The following WWOX variants were observed in gnomAD, a reference collection of about 807,000 sequenced individuals.
WWOX encodes WW domain-containing oxidoreductase.
A neutral mutation model predicts 46.2 loss-of-function variants in WWOX; 69 were observed. That is an observed-to-expected ratio of 1.49 (90% CI 1.23 to 1.82). WWOX has a LOEUF of 1.82. Ranked by LOEUF, WWOX falls within the 40% of genes most tolerant of loss-of-function variation. The pLI, the probability that WWOX is intolerant of heterozygous loss-of-function variation, is 0.00. For synonymous variants in WWOX, 359 were observed against 202.6 expected, an observed-to-expected ratio of 1.77 and a Z score of -6.56; for missense variants, 919 against 542.6, an observed-to-expected ratio of 1.69 and a Z score of -6.89.
chr16:78,533,491 GT>G (rs2043679722), intron 8 of WWOX, among the ~76,000 whole-genome samples: 1 of 151,910 alleles, frequency 6.6e-6, no homozygotes, highest in East Asian at 1.9e-4. Flanking sequence ...ATTCAAAGTT[GT>G]CCTGGGCCGC....
intron 8 of WWOX, among the ~76,000 whole-genome samples, chr16:79,022,858 C>T (rs985552606): frequency 1.8e-4 from 28 of 152,192 alleles, no homozygotes; most frequent in African/African-American, 5.1e-4. Flanking sequence ...CTGTGCTTTG[C>T]ACTTTCTGGC....
chr16:79,022,344 CAAAAA>C (rs10654627), intron 8 of WWOX, among the ~76,000 whole-genome samples: 42 of 71,214 alleles, frequency 5.9e-4, no homozygotes, highest in Middle Eastern at 0.01. Context: ...CAATCTGTGG[CAAAAA>C]AAAAAAAAAA....
At chr16:79,154,675 C>T (rs1204979242) in intron 8 of WWOX, among the ~76,000 whole-genome samples, 1 of 152,162 alleles carries the variant, frequency 6.6e-6, no homozygotes, top group African/African-American at 2.4e-5. Context: ...CACTGTAAAA[C>T]AACCACGTTT....
intron 8 of WWOX, among the ~76,000 whole-genome samples, chr16:78,435,682 G>T (rs2083319999): frequency 6.6e-6 from 1 of 152,138 alleles, no homozygotes; most frequent in African/African-American, 2.4e-5. Context: ...CCTGGTGGTG[G>T]CAAGACAAGA....
chr16:78,752,587 A>C (rs1336763692), intron 8 of WWOX, among the ~76,000 whole-genome samples: 2 of 152,196 alleles, frequency 1.3e-5, no homozygotes, highest in African/African-American at 4.8e-5. Flanking sequence ...ATTCTTTCTA[A>C]TATGATTTAG....
chr16:79,161,975 C>G (rs539451394), intron 8 of WWOX, among the ~76,000 whole-genome samples: 2 of 152,390 alleles, frequency 1.3e-5, no homozygotes, highest in African/African-American at 4.8e-5. Context: ...CACAGAGTGT[C>G]TCAGTAAATT....
chr16:78,978,598 G>T (rs951608738), intron 8 of WWOX, among the ~76,000 whole-genome samples: 1 of 152,158 alleles, frequency 6.6e-6, no homozygotes, highest in Admixed American at 6.5e-5. Context: ...TGCACAGGAA[G>T]CATAGAAGCT....
chr16:79,112,243 C>T (rs534578011), intron 8 of WWOX, among the ~76,000 whole-genome samples: 1 of 152,132 alleles, frequency 6.6e-6, no homozygotes, highest in Non-Finnish European at 1.5e-5. Context: ...ACTGACCCAA[C>T]AAAAGGGCTG....
At chr16:78,618,142 C>G (rs556185211) in intron 8 of WWOX, among the ~76,000 whole-genome samples, 2 of 152,326 alleles carry the variant, frequency 1.3e-5, no homozygotes, top group African/African-American at 4.8e-5. Flanking sequence ...CAGGAAATCA[C>G]TCACTGAAGG....
At chr16:78,113,538 G>T (rs1056781925) in intron 3 of WWOX, among the ~76,000 whole-genome samples, 3 of 152,160 alleles carry the variant, frequency 2.0e-5, no homozygotes, top group South Asian at 2.1e-4. Flanking sequence ...CAAGGGCTTT[G>T]GGGGGAACCT....
intron 5 of WWOX, chr16:78,355,398 C>T (rs1030838452): frequency 4.1e-5 from 10 of 244,908 alleles, no homozygotes; most frequent in South Asian, 1.5e-4. Flanking sequence ...GTCAGGAGAT[C>T]GAGACCATCC....
At chr16:78,236,600 G>A (rs1443662340) in intron 5 of WWOX, among the ~76,000 whole-genome samples, 1 of 152,120 alleles carries the variant, frequency 6.6e-6, no homozygotes, top group African/African-American at 2.4e-5. Context: ...TTTAATTCAA[G>A]GTTTGTCTAA....
At chr16:78,319,292 CTTAT>C (rs1030245772) in intron 5 of WWOX, among the ~76,000 whole-genome samples, 4 of 119,452 alleles carry the variant, frequency 3.3e-5, no homozygotes, top group African/African-American at 6.0e-5. Flanking sequence ...TTACTATTTT[CTTAT>C]TTATTTTTGA....
chr16:78,337,187 A>T (rs1323108379), intron 5 of WWOX, among the ~76,000 whole-genome samples: 1 of 152,204 alleles, frequency 6.6e-6, no homozygotes, highest in Non-Finnish European at 1.5e-5. Flanking sequence ...AACCTGTGTA[A>T]GACTGTGTTA....
At chr16:78,926,207 C>G (rs911494830) in intron 8 of WWOX, among the ~76,000 whole-genome samples, 2 of 152,068 alleles carry the variant, frequency 1.3e-5, no homozygotes, top group East Asian at 1.9e-4. Context: ...AACCTTACCT[C>G]TCAAAAATTT....
chr16:78,153,984 G>A (rs2034509155), intron 4 of WWOX, among the ~76,000 whole-genome samples: 1 of 152,068 alleles, frequency 6.6e-6, no homozygotes, highest in Admixed American at 6.5e-5. Flanking sequence ...GGATTCTGTG[G>A]GCGACTGTCC....
Position 78,415,242 on chromosome 16 carries a change from A to G in WWOX, c.606-9628A>G, listed in dbSNP as rs566163862. Among the ~76,000 whole-genome samples, 109 of 152,162 alleles carry G rather than the reference A, an allele frequency of 7.2e-4. 3 individuals carry two copies. The South Asian group carries it at 0.022, about 31-fold the overall frequency. On this transcript the variant is annotated intron_variant, in intron 6 of 8. Coordinates refer to ENST00000566780, the MANE Select transcript of WWOX (RefSeq NM_016373.4). The stretch of plus-strand genomic sequence containing the variant: ...TATAGGGTAACTTCTTGATGTTGCC[A>G]TGGCATGTGTACACTGTCATGGTGC...
chr16:78,924,986 G>C (rs1003813140), intron 8 of WWOX, among the ~76,000 whole-genome samples: 1 of 152,160 alleles, frequency 6.6e-6, no homozygotes, highest in East Asian at 1.9e-4. Flanking sequence ...GTTGAGCTCA[G>C]GCGTTCAAGA....
intron 5 of WWOX, among the ~76,000 whole-genome samples, chr16:78,196,784 TA>T (rs1230082217): frequency 6.6e-5 from 10 of 152,346 alleles, no homozygotes; most frequent in African/African-American, 2.4e-4. Flanking sequence ...GCCTGCATTG[TA>T]AAATCAGCAG....
Sources: gnomAD v4.1 joint callset for allele counts (sites outside exome capture counted in the v4.1 genomes callset) on GRCh38, gnomAD v4.1.1 for gene constraint, MANE v1.5 for transcripts, NCBI Gene and HGNC (gene_info 2026-07-23, HGNC 2026-07-21) for gene names.